Variants in ANKRD18B observed in about 807,000 individuals in gnomAD.
ANKRD18B encodes ankyrin repeat domain-containing protein 18B.
A neutral mutation model predicts 111.8 loss-of-function variants in ANKRD18B; 75 were observed. The ratio of observed to expected loss-of-function variants is 0.67; its 90% CI spans 0.56 to 0.81. The LOEUF (loss-of-function observed/expected upper bound fraction) is 0.81, where lower values mean the gene tolerates loss of function less well. Among genes scored for constraint, ANKRD18B ranks in the 40% least tolerant of loss-of-function variants. ANKRD18B has a pLI of 0.00. For synonymous variants in ANKRD18B, 356 were observed against 417.3 expected (o/e 0.85, Z 1.79); for missense variants, 1,038 against 1,225.5 (o/e 0.85, Z 2.28).
downstream of ANKRD18B, chr9:33,574,247 C>T (rs1828826766): frequency 1.2e-5 from 2 of 163,652 alleles, no homozygotes; most frequent in African/African-American, 4.8e-5. Context: ...GTTACGGAGA[C>T]ATGGTCCGTG....
chr9:33,552,324 G>A (rs1411336753), intron 12 of ANKRD18B, among the ~76,000 whole-genome samples: 1 of 152,156 alleles, frequency 6.6e-6, no homozygotes, highest in Non-Finnish European at 1.5e-5. Context: ...TTTCTGGATG[G>A]TTGCCAGTTT....
intron 11 of ANKRD18B, 83 bp from the exon 12 acceptor site, chr9:33,550,347 A>C: frequency 6.0e-6 from 8 of 1,343,860 alleles, no homozygotes; most frequent in Non-Finnish European, 7.9e-6. Flanking sequence ...AATAATTTTC[A>C]AAGTATGTAT....
chr9:33,557,276 A>G (rs1408017234), intron 13 of ANKRD18B, among the ~76,000 whole-genome samples: 1 of 151,900 alleles, frequency 6.6e-6, no homozygotes, highest in African/African-American at 2.4e-5. Context: ...CTTTTTCTAC[A>G]TTGAATAATG....
At chr9:33,555,524 C>G (rs1828508911) in intron 12 of ANKRD18B, among the ~76,000 whole-genome samples, 184 bp from the exon 13 acceptor site, 1 of 152,048 alleles carries the variant, frequency 6.6e-6, no homozygotes, top group Non-Finnish European at 1.5e-5. Context: ...AAGTGTGAAT[C>G]TTTTTTAGCT....
At chr9:33,570,878 T>C (rs1396456456) in intron 17 of ANKRD18B, among the ~76,000 whole-genome samples, 1 of 152,162 alleles carries the variant, frequency 6.6e-6, no homozygotes, top group Non-Finnish European at 1.5e-5. Context: ...CCTCGTGATC[T>C]GCCCACATTT....
intron 10 of ANKRD18B, among the ~76,000 whole-genome samples, chr9:33,543,978 T>A (rs767889842): frequency 2.6e-5 from 4 of 152,200 alleles, no homozygotes; most frequent in Non-Finnish European, 4.4e-5. Flanking sequence ...TGAAGTAGAA[T>A]CAAAATTTTC....
intron 8 of ANKRD18B, 52 bp downstream of exon 8, chr9:33,540,264 G>C (rs1414431528): frequency 6.6e-6 from 1 of 152,086 alleles, no homozygotes; most frequent in Non-Finnish European, 1.5e-5. Flanking sequence ...TGGCCAGAAT[G>C]GTCTCAGTCT....
At chr9:33,535,884 G>T (rs1288470278) in intron 5 of ANKRD18B, among the ~76,000 whole-genome samples, 1 of 149,552 alleles carries the variant, frequency 6.7e-6, no homozygotes, top group Non-Finnish European at 1.5e-5. Context: ...TTCATGTAAG[G>T]TGATCTGTGA....
chr9:33,557,922 A>G (rs1828550713), intron 13 of ANKRD18B, 136 bp from the exon 14 acceptor site: 2 of 767,868 alleles, frequency 2.6e-6, no homozygotes, highest in Admixed American at 6.8e-5. Context: ...CTTTCAAACT[A>G]TGTTCAGTTG....
chr9:33,549,618 T>C (rs559247525), intron 11 of ANKRD18B, among the ~76,000 whole-genome samples: 1 of 152,294 alleles, frequency 6.6e-6, no homozygotes, highest in South Asian at 2.1e-4. Context: ...AGTGGCTCTC[T>C]CTTATATGTA....
chr9:33,544,001 G>T (rs1034683943), intron 10 of ANKRD18B, among the ~76,000 whole-genome samples: 2 of 151,984 alleles, frequency 1.3e-5, no homozygotes, highest in Non-Finnish European at 2.9e-5. Flanking sequence ...CTTTCTGATT[G>T]GTATTCATTT....
At chr9:33,549,770 G>T (rs1828419774) in intron 11 of ANKRD18B, among the ~76,000 whole-genome samples, 1 of 152,128 alleles carries the variant, frequency 6.6e-6, no homozygotes, top group Non-Finnish European at 1.5e-5. Flanking sequence ...TGGAATAAAT[G>T]TGGTAAATTT....
chr9:33,527,893 C>T (rs58514045), intron 1 of ANKRD18B, among the ~76,000 whole-genome samples: 96 of 152,308 alleles, frequency 6.3e-4, no homozygotes, highest in African/African-American at 2.1e-3. Flanking sequence ...GTAAATACCG[C>T]TCCAATATGA....
intron 4 of ANKRD18B, chr9:33,533,771 A>C (rs1450476651): frequency 1.1e-6 from 1 of 929,652 alleles, no homozygotes; most frequent in Admixed American, 4.4e-5. Flanking sequence ...GTTATTTGTA[A>C]TTTGATGTTT....
At chr9:33,575,026 C>T (rs527271085), downstream of ANKRD18B, among the ~76,000 whole-genome samples, 1 of 152,264 alleles carries the variant, frequency 6.6e-6, no homozygotes, top group East Asian at 1.9e-4. Context: ...GTGAGTGGGA[C>T]CTGCTCTCTT....
intron 1 of ANKRD18B, among the ~76,000 whole-genome samples, chr9:33,527,600 G>A (rs1828044600): frequency 6.6e-6 from 1 of 152,174 alleles, no homozygotes; most frequent in South Asian, 2.1e-4. Flanking sequence ...GATTACAGGC[G>A]TGAGCCACCG....
intron 10 of ANKRD18B, among the ~76,000 whole-genome samples, chr9:33,545,487 CA>C (rs1828340730): frequency 6.6e-6 from 1 of 152,170 alleles, no homozygotes; most frequent in Non-Finnish European, 1.5e-5. Context: ...CAGACATTTA[CA>C]AAGCCGAAAA....
Position 33,568,537 on chromosome 9 carries a change from AC to A in ANKRD18B, c.2955-133del, listed in dbSNP as rs1828720232. The A allele has an allele frequency of 5.6e-6, 4 of 713,676 alleles. No homozygotes were observed. The East Asian group carries it at 1.1e-4, about 20-fold the overall frequency. The allele number at this position is 713,676 out of a possible 1,614,324, so 44.2% of individuals were successfully genotyped here. On this transcript the variant is annotated intron_variant, in intron 16 of 18. Coordinates refer to ENST00000684830, the MANE Select transcript of ANKRD18B (RefSeq NM_001393611.1). ...TTACTTACAAGAGGTATGCTCTCAC[AC>A]ATCTTCGTGTGAAAACACTGTTTAA...
In ANKRD18B at chr9:33,538,874, A is replaced by C. The variant is rs55815569; in HGVS notation, c.809-575A>C. 3.3e-3 allele frequency among the ~76,000 whole-genome samples: 506 copies of C among 152,326 alleles called. 2 individuals carry two copies. Among genetic ancestry groups the C allele is most frequent in the African/African-American group, 8.4e-3 (349 of 41,568 alleles). ...AAAAATGTAACACCTAATGCATTGT[A>C]CAATCTGAACTGTATAAAGACACCG... On this transcript the variant is annotated intron_variant, in intron 6 of 18. Coordinates refer to ENST00000684830, the MANE Select transcript of ANKRD18B (RefSeq NM_001393611.1).
Sources: gnomAD v4.1 joint callset for allele counts (sites outside exome capture counted in the v4.1 genomes callset) on GRCh38, gnomAD v4.1.1 for gene constraint, MANE v1.5 for transcripts, NCBI Gene and HGNC (gene_info 2026-07-23, HGNC 2026-07-21) for gene names.